BAZ1A: variants seen among roughly 807,000 people sequenced by gnomAD.
The protein encoded by BAZ1A is bromodomain adjacent to zinc finger domain 1A.
In BAZ1A, 50 loss-of-function variants were observed where a neutral mutation model predicts 185.2. The ratio of observed to expected loss-of-function variants is 0.27; its 90% CI spans 0.22 to 0.34. The LOEUF (loss-of-function observed/expected upper bound fraction) is 0.34, where lower values mean the gene tolerates loss of function less well. BAZ1A is among the 10% of genes least tolerant of loss of function. The pLI is 1.00. For synonymous variants in BAZ1A, 571 were observed against 615.6 expected (o/e 0.93, Z 1.07); for missense variants, 1,356 against 1,839.9 (o/e 0.74, Z 4.81).
chr14:34,759,183 T>TG (rs1397017919), intron 24 of BAZ1A, among the ~76,000 whole-genome samples: 7,545 of 120,546 alleles, frequency 0.063, 353 homozygotes, highest in Admixed American at 0.13. Flanking sequence ...TTTTTTTTTT[T>TG]TTTTTTTTTT....
At chr14:34,822,178 C>G (rs2042099657) in intron 4 of BAZ1A, among the ~76,000 whole-genome samples, 1 of 152,012 alleles carries the variant, frequency 6.6e-6, no homozygotes. Flanking sequence ...ACCTGTAATC[C>G]CAGCTACTTG....
At position 34,811,051 on chromosome 14, in the gene BAZ1A, G is replaced by A. The variant is rs753479050; in HGVS notation, c.537-15C>T. On this transcript the variant is annotated splice_polypyrimidine_tract_variant and intron_variant, in intron 4 of 26. Coordinates refer to ENST00000360310, the MANE Select transcript of BAZ1A (RefSeq NM_013448.3). ...CTTTTTTCTTCCTAAAAAGAAGAGG[G>A]AAAAGACACAAATCAGTTAATAATT... 18 of 1,481,780 alleles carry A rather than the reference G, an allele frequency of 1.2e-5. No individual in the cohort carries two copies. Among genetic ancestry groups the A allele is most frequent in the Non-Finnish European group, 1.7e-5 (18 of 1,073,398 alleles). The allele number at this position is 1,481,780 out of a possible 1,614,324, so 91.8% of individuals were successfully genotyped here. A position where few individuals can be genotyped will look rare whatever the true frequency, so the allele number is the denominator to read the frequency against.
chr14:34,872,179 CT>C (rs1397561356), intron 2 of BAZ1A, among the ~76,000 whole-genome samples: 3 of 152,222 alleles, frequency 2.0e-5, no homozygotes, highest in South Asian at 2.1e-4. Flanking sequence ...TCTGGGACTG[CT>C]TGTAATTTCC....
chr14:34,757,884 C>A (rs1452244560), intron 25 of BAZ1A, among the ~76,000 whole-genome samples: 1 of 150,438 alleles, frequency 6.6e-6, no homozygotes, highest in Admixed American at 6.6e-5. Flanking sequence ...GTAGCGGGGA[C>A]TACAGGCGCC....
chr14:34,847,318 T>A (rs2042530340), intron 3 of BAZ1A, among the ~76,000 whole-genome samples: 1 of 152,136 alleles, frequency 6.6e-6, no homozygotes, highest in African/African-American at 2.4e-5. Context: ...AAGACTTTTT[T>A]GTCCTGGAAC....
chr14:34,780,434 A>G, intron 16 of BAZ1A, 124 bp from the exon 17 acceptor site: 3 of 950,492 alleles, frequency 3.2e-6, no homozygotes, highest in Admixed American at 3.2e-5. Context: ...AACATGACAC[A>G]GTTTTGGTCT....
chr14:34,785,582 G>A (rs866152676), intron 14 of BAZ1A, among the ~76,000 whole-genome samples, 195 bp downstream of exon 14: 9 of 152,170 alleles, frequency 5.9e-5, no homozygotes, highest in Middle Eastern at 3.4e-3. Flanking sequence ...CTAATCATAC[G>A]TTTAAAAATA....
At chr14:34,863,974 C>T (rs1206078811) in intron 2 of BAZ1A, among the ~76,000 whole-genome samples, 1 of 151,852 alleles carries the variant, frequency 6.6e-6, no homozygotes, top group Non-Finnish European at 1.5e-5. Flanking sequence ...CAGGTGCACA[C>T]CAGGACACTC....
rs772047587 is a variant in BAZ1A at position 34,775,990 on chromosome 14, G to C, written c.2762C>G (p.Thr921Ser). The part of the protein sequence containing the change: ...RGHRESALKE[T>S]LLQEKSRICA... ...TATTCTGCTTTTCTCTTGTAACAAA[G>C]TTTCTTTTAAGGCACTTTCTCTATG... The change falls in exon 18 of 27, where the codon ACT becomes AGT. Residue 921 changes from threonine to serine, a missense_variant. Coordinates refer to ENST00000360310, the MANE Select transcript of BAZ1A (RefSeq NM_013448.3). 6 of 1,613,860 alleles carry C rather than the reference G, an allele frequency of 3.7e-6. No individual in the cohort carries two copies. In the Admixed American group the frequency reaches 1.0e-4, roughly 27 times the overall value.
chr14:34,859,087 T>C (rs1418147813), intron 3 of BAZ1A, among the ~76,000 whole-genome samples: 1 of 152,142 alleles, frequency 6.6e-6, no homozygotes, highest in Non-Finnish European at 1.5e-5. Flanking sequence ...GGTACATCCC[T>C]TTAAAAGGTA....
At chr14:34,860,524 A>G (rs1162817303) in intron 3 of BAZ1A, among the ~76,000 whole-genome samples, 2 of 148,744 alleles carry the variant, frequency 1.3e-5, no homozygotes, top group Non-Finnish European at 3.0e-5. Context: ...AAGTTAAAAA[A>G]AAAAAAAAAA....
At chr14:34,770,404 C>T (rs1056958013) in intron 21 of BAZ1A, among the ~76,000 whole-genome samples, 8 of 152,162 alleles carry the variant, frequency 5.3e-5, no homozygotes, top group Admixed American at 3.3e-4. Flanking sequence ...CCAACCGCCT[C>T]GGCCTCCCAA....
chr14:34,837,407 A>T (rs1038230766), intron 3 of BAZ1A, among the ~76,000 whole-genome samples: 2 of 145,884 alleles, frequency 1.4e-5, no homozygotes, highest in Non-Finnish European at 3.0e-5. Context: ...ACCCCAGCTA[A>T]TTTTTTTTTT....
intron 21 of BAZ1A, among the ~76,000 whole-genome samples, chr14:34,766,189 A>G (rs944328243): frequency 4.6e-5 from 7 of 152,182 alleles, no homozygotes; most frequent in Non-Finnish European, 1.0e-4. Context: ...GGGTTGCTGG[A>G]AACATTAAAT....
At chr14:34,854,436 T>G (rs1186158948) in intron 3 of BAZ1A, among the ~76,000 whole-genome samples, 1 of 151,586 alleles carries the variant, frequency 6.6e-6, no homozygotes, top group Non-Finnish European at 1.5e-5. Context: ...TAAAATAAAA[T>G]AAAATGTTAA....
intron 2 of BAZ1A, among the ~76,000 whole-genome samples, chr14:34,863,702 C>T (rs1382315657): frequency 2.0e-5 from 3 of 151,966 alleles, no homozygotes; most frequent in African/African-American, 7.3e-5. Flanking sequence ...ATACACAATC[C>T]CATGTACATT....
Position 34,874,652 on chromosome 14 carries a change from G to T in BAZ1A, c.-48C>A, listed in dbSNP as rs757066156. The T allele has an allele frequency of 3.3e-6, 5 of 1,495,296 alleles. No homozygotes were observed. The highest frequency in any genetic ancestry group is 4.9e-5 in the East Asian group (2 of 40,532). 92.6% of individuals were successfully genotyped at this position (1,495,296 alleles called of 1,614,324 possible). On this transcript the variant is annotated 5_prime_UTR_variant, in exon 2 of 27. Coordinates refer to ENST00000360310, the MANE Select transcript of BAZ1A (RefSeq NM_013448.3). The surrounding 1 kb of genome is among the most constrained non-coding windows in gnomAD (Gnocchi z 4.7). The stretch of plus-strand genomic sequence containing the variant: ...CCTGGACCCTCGGCCGCCCGCGCCG[G>T]CCCCGCTTCCCTATCAAAATTGGAG...
chr14:34,817,850 C>T (rs2042030363), intron 4 of BAZ1A, among the ~76,000 whole-genome samples: 2 of 152,124 alleles, frequency 1.3e-5, no homozygotes, highest in Non-Finnish European at 2.9e-5. Context: ...CAACTGATGC[C>T]AAGTGTATGG....
intron 11 of BAZ1A, 26 bp from the exon 12 acceptor site, chr14:34,792,947 T>C: frequency 6.3e-7 from 1 of 1,591,148 alleles, no homozygotes; most frequent in South Asian, 1.1e-5. Context: ...TTAAAATGAA[T>C]TTAAAGTTCT....
Sources: allele counts gnomAD v4.1 joint callset (sites outside exome capture counted in the v4.1 genomes callset), GRCh38; gene constraint gnomAD v4.1.1; non-coding constraint Gnocchi (gnomAD v3.1); transcripts MANE v1.5; gene names NCBI Gene and HGNC (gene_info 2026-07-23, HGNC 2026-07-21).